The following NPAS3 variants were observed in gnomAD, a reference collection of about 807,000 sequenced individuals.
NPAS3 encodes the protein neuronal PAS domain protein 3.
In NPAS3, 14 loss-of-function variants were observed where a neutral mutation model predicts 73.1. The observed-to-expected ratio is 0.19, with a 90% CI of 0.13 to 0.30. The LOEUF is 0.30. NPAS3 is among the 10% of genes least tolerant of loss of function. The probability of loss-of-function intolerance (pLI) is 1.00; values close to 1 mark genes in which losing one functional copy is unlikely to be tolerated. For missense variants in NPAS3, 1,096 were observed against 1,250.0 expected, an observed-to-expected ratio of 0.88 and a Z score of 1.86; for synonymous variants, 620 against 541.5, an observed-to-expected ratio of 1.14 and a Z score of -2.01.
At position 33,037,657 on chromosome 14, in the gene NPAS3, C is replaced by A. The variant is rs369139403; in HGVS notation, c.51-18248C>A. 1.7e-4 allele frequency among the ~76,000 whole-genome samples: 26 copies of A among 152,070 alleles called. No individual in the cohort carries two copies. In the East Asian group the frequency reaches 4.2e-3, roughly 25 times the overall value. Reference sequence around the variant, plus strand: ...CTCTAGTCTGGGCAACGGAGGCAGACCCTGTCTCGAAAAAGAAGAAAAAAG... The same window carrying A: ...CTCTAGTCTGGGCAACGGAGGCAGAACCTGTCTCGAAAAAGAAGAAAAAAG... On this transcript the variant is annotated intron_variant, in intron 1 of 11. Coordinates refer to ENST00000356141, the Ensembl canonical transcript of NPAS3.
intron 7 of NPAS3, among the ~76,000 whole-genome samples, chr14:33,767,887 G>C (rs977017529): frequency 3.9e-4 from 59 of 152,234 alleles, no homozygotes; most frequent in African/African-American, 1.3e-3. Flanking sequence ...GATATTAGTG[G>C]AGCACATCTA....
rs78285714 is a variant in NPAS3, at chr14:33,604,348, A to C, written c.558+44138A>C. On this transcript the variant is annotated intron_variant, in intron 5 of 11. Transcript: ENST00000356141. ...AAAACTGTACTGTGTTAGCACTAAT[A>C]GAAAGAGTAGCTATGTTAATAGGAA... 0.013 allele frequency among the ~76,000 whole-genome samples: 2,041 copies of C among 152,230 alleles called. 107 individuals are homozygous for C. In the East Asian group the frequency reaches 0.2, roughly 15 times the overall value.
chr14:33,731,037 C>T (rs962470046), intron 6 of NPAS3, among the ~76,000 whole-genome samples: 1 of 152,114 alleles, frequency 6.6e-6, no homozygotes, highest in African/African-American at 2.4e-5. Flanking sequence ...TAACATTTCT[C>T]AAAACTTTTT....
At chr14:33,443,488 T>G (rs528782278) in intron 4 of NPAS3, among the ~76,000 whole-genome samples, 18 of 152,268 alleles carry the variant, frequency 1.2e-4, no homozygotes, top group Admixed American at 1.1e-3. Context: ...AGAGCACCAG[T>G]AGGGAATCCA....
chr14:33,258,572 T>C (rs1392800303), intron 3 of NPAS3, among the ~76,000 whole-genome samples: 3 of 152,182 alleles, frequency 2.0e-5, no homozygotes, highest in Non-Finnish European at 2.9e-5. Flanking sequence ...AAGAATTCTT[T>C]AGTGATTCAT....
At chr14:33,173,485 A>G (rs948505137) in intron 2 of NPAS3, among the ~76,000 whole-genome samples, 7 of 152,310 alleles carry the variant, frequency 4.6e-5, no homozygotes, top group Admixed American at 1.3e-4. Flanking sequence ...CAAAGTTCAC[A>G]TGGTATATTG....
intron 1 of NPAS3, among the ~76,000 whole-genome samples, chr14:32,971,574 T>G (rs2037425748): frequency 6.6e-6 from 1 of 152,198 alleles, no homozygotes; most frequent in Non-Finnish European, 1.5e-5. Flanking sequence ...TGAAAATAAA[T>G]AACTTTAAAA....
intron 5 of NPAS3, among the ~76,000 whole-genome samples, chr14:33,589,231 T>G (rs973154621): frequency 2.0e-5 from 3 of 152,222 alleles, no homozygotes; most frequent in African/African-American, 7.2e-5. Flanking sequence ...TTTGTCCATC[T>G]TCTATTAAAT....
intron 3 of NPAS3, among the ~76,000 whole-genome samples, chr14:33,300,286 T>C (rs1013041200): frequency 1.3e-5 from 2 of 152,260 alleles, no homozygotes; most frequent in African/African-American, 4.8e-5. Flanking sequence ...GTCTGAGGTT[T>C]GCAAGCTGTG....
chr14:33,462,502 T>C (rs1034911130), intron 4 of NPAS3, among the ~76,000 whole-genome samples: 1 of 152,160 alleles, frequency 6.6e-6, no homozygotes, highest in Non-Finnish European at 1.5e-5. Flanking sequence ...CTTCATGACA[T>C]AGACGGCGAC....
At position 33,542,654 on chromosome 14, in the gene NPAS3, G is replaced by T. The variant is rs569770728; in HGVS notation, c.469-17467G>T. Among the ~76,000 whole-genome samples the T allele has an allele frequency of 2.3e-4, 35 of 152,234 alleles. 1 individual carries two copies. The highest frequency in any genetic ancestry group is 7.9e-4 in the African/African-American group (33 of 41,540). ...CCAGATAAGAAGAAAAATTAACTTA[G>T]GATTCTAAAATCAAATGTCCATGGC... On this transcript the variant is annotated intron_variant, in intron 4 of 11. Coordinates refer to ENST00000356141, the Ensembl canonical transcript of NPAS3.
intron 4 of NPAS3, among the ~76,000 whole-genome samples, chr14:33,543,231 C>T (rs558032376): frequency 6.6e-6 from 1 of 152,222 alleles, no homozygotes; most frequent in South Asian, 2.1e-4. Flanking sequence ...CCCTCTAGCC[C>T]ACACCCATTT....
intron 4 of NPAS3, among the ~76,000 whole-genome samples, chr14:33,500,958 G>C (rs2052482559): frequency 6.6e-6 from 1 of 151,784 alleles, no homozygotes; most frequent in Non-Finnish European, 1.5e-5. Context: ...TTGCTAATTA[G>C]GAACAACTTA....
chr14:33,268,896 G>C (rs1269610911), intron 3 of NPAS3, among the ~76,000 whole-genome samples: 1 of 152,176 alleles, frequency 6.6e-6, no homozygotes, highest in East Asian at 1.9e-4. Flanking sequence ...AGGCAGTCCT[G>C]GAAAGGGCTT....
At chr14:33,392,882 C>T (rs1050556345) in intron 4 of NPAS3, among the ~76,000 whole-genome samples, 2 of 152,048 alleles carry the variant, frequency 1.3e-5, no homozygotes, top group Non-Finnish European at 2.9e-5. Context: ...AAAATGTGAA[C>T]TTGGTTAACA....
intron 3 of NPAS3, among the ~76,000 whole-genome samples, chr14:33,342,426 C>A (rs2044529657): frequency 6.6e-6 from 1 of 152,174 alleles, no homozygotes; most frequent in African/African-American, 2.4e-5. Context: ...GTTCCTGGAG[C>A]AATGTCTCAG....
intron 4 of NPAS3, among the ~76,000 whole-genome samples, chr14:33,453,689 A>T (rs1390903675): frequency 1.3e-5 from 2 of 152,224 alleles, no homozygotes; most frequent in East Asian, 3.8e-4. Context: ...ATTTTAAGAT[A>T]ATTCAGTCCC....
At chr14:33,342,714 C>G (rs2044544037) in intron 3 of NPAS3, among the ~76,000 whole-genome samples, 1 of 151,938 alleles carries the variant, frequency 6.6e-6, no homozygotes, top group South Asian at 2.1e-4. Context: ...TTGGTGCATG[C>G]TTTAATAGTT....
chr14:33,466,761 T>C (rs2050544987), intron 4 of NPAS3, among the ~76,000 whole-genome samples: 1 of 151,946 alleles, frequency 6.6e-6, no homozygotes, highest in African/African-American at 2.4e-5. Flanking sequence ...CCACACACTT[T>C]TAAACAACCA....
Sources: allele counts gnomAD v4.1 joint callset (sites outside exome capture counted in the v4.1 genomes callset), GRCh38; gene constraint gnomAD v4.1.1; transcripts MANE v1.5; gene names NCBI Gene and HGNC (gene_info 2026-07-23, HGNC 2026-07-21).